Variants in DNAH11 observed in about 807,000 individuals in gnomAD.
DNAH11 encodes axonemal beta dynein heavy chain 11.
Under a neutral mutation model 526.0 loss-of-function variants are expected in DNAH11, and 442 were observed. The ratio of observed to expected loss-of-function variants is 0.84; its 90% CI spans 0.78 to 0.91. The LOEUF (loss-of-function observed/expected upper bound fraction) is 0.91. Ranked by LOEUF, DNAH11 falls within the 40% of genes least tolerant of loss-of-function variation. The probability of loss-of-function intolerance (pLI) is 0.00; values close to 1 mark genes in which losing one functional copy is unlikely to be tolerated. For missense variants in DNAH11, 6,989 were observed against 5,448.7 expected (o/e 1.28, Z -8.90); for synonymous variants, 2,461 against 1,935.9 (o/e 1.27, Z -7.12).
chr7:21,551,375 T>C (rs1406135014), intron 2 of DNAH11, among the ~76,000 whole-genome samples: 3 of 152,246 alleles, frequency 2.0e-5, no homozygotes. Context: ...TGGTTACCTC[T>C]GCTGGAAGCA....
intron 2 of DNAH11, among the ~76,000 whole-genome samples, chr7:21,556,163 T>C (rs562291100): frequency 7.2e-5 from 11 of 152,210 alleles, no homozygotes; most frequent in Non-Finnish European, 1.6e-4. Context: ...CTTTCTCTGC[T>C]TAAGTTTCGA....
At position 21,545,202 on chromosome 7, in the gene DNAH11, A is replaced by G. The variant is rs7781669; in HGVS notation, c.495+53A>G. 0.48 allele frequency: 718,741 copies of G among 1,505,308 alleles called. 173,751 individuals are homozygous for G. Among genetic ancestry groups the G allele is most frequent in the Middle Eastern group, 0.54 (3,078 of 5,722 alleles). 93.2% of individuals were successfully genotyped at this position (1,505,308 alleles called of 1,614,324 possible). On this transcript the variant is annotated intron_variant, in intron 2 of 81. Coordinates refer to ENST00000409508, the MANE Select transcript of DNAH11 (RefSeq NM_001277115.2). ...CTTTCACTTATCTCCATGACATTTG[A>G]AATTATTTAGGACAACTCCGATAAT...
At chr7:21,726,087 A>G (rs1785091724) in intron 45 of DNAH11, 103 bp downstream of exon 45, 18 of 1,173,798 alleles carry the variant, frequency 1.5e-5, no homozygotes, top group Non-Finnish European at 1.9e-5. Flanking sequence ...TAATTGGCTC[A>G]TGATTCCACA....
chr7:21,784,683 T>G (rs1788097691), intron 58 of DNAH11, 143 bp downstream of exon 58: 3 of 589,960 alleles, frequency 5.1e-6, no homozygotes, highest in Non-Finnish European at 8.5e-6. Flanking sequence ...ATATTAAAGT[T>G]GAAACAAACC....
chr7:21,590,834 C>T (rs1784646599), intron 12 of DNAH11, 84 bp from the exon 13 acceptor site: 1 of 819,278 alleles, frequency 1.2e-6, no homozygotes, highest in African/African-American at 1.8e-5. Flanking sequence ...TGGATAACAT[C>T]TTAAGTATTT....
chr7:21,719,358 C>G lies in DNAH11; in HGVS notation c.7135-1367C>G, dbSNP rs145383319. 1.6e-4 allele frequency among the ~76,000 whole-genome samples: 25 copies of G among 152,300 alleles called. No individual in the cohort carries two copies. In the East Asian group the frequency reaches 4.6e-3, roughly 28 times the overall value. Reference sequence around the variant, plus strand: ...CTTTAAGTTTGGTAAGGTTTATTAACTCTTTCAGATTACTCATTAAAGTAC... The same window carrying G: ...CTTTAAGTTTGGTAAGGTTTATTAAGTCTTTCAGATTACTCATTAAAGTAC... On this transcript the variant is annotated intron_variant, in intron 43 of 81. Transcript: ENST00000409508.
At chr7:21,735,286 A>G (rs1327532618) in intron 45 of DNAH11, among the ~76,000 whole-genome samples, 1 of 152,204 alleles carries the variant, frequency 6.6e-6, no homozygotes, top group Non-Finnish European at 1.5e-5. Context: ...TTATATGGTT[A>G]CTATATTCCC....
intron 61 of DNAH11, among the ~76,000 whole-genome samples, chr7:21,794,878 A>G (rs771585230): frequency 1.3e-5 from 2 of 152,210 alleles, no homozygotes; most frequent in Admixed American, 6.5e-5. Context: ...TCTCCAGTGT[A>G]GGAACTACGA....
intron 61 of DNAH11, among the ~76,000 whole-genome samples, chr7:21,796,810 G>A (rs998998060): frequency 2.2e-4 from 34 of 152,180 alleles, no homozygotes; most frequent in African/African-American, 7.2e-4. Context: ...GAGACTTAAC[G>A]AACTGATCAA....
intron 36 of DNAH11, 111 bp downstream of exon 36, chr7:21,698,324 T>A: frequency 6.9e-7 from 1 of 1,455,660 alleles, no homozygotes; most frequent in South Asian, 1.3e-5. Context: ...TTAAAATTTT[T>A]TTGTACTTAA....
intron 31 of DNAH11, among the ~76,000 whole-genome samples, chr7:21,682,709 A>T (rs1443823357): frequency 6.6e-6 from 1 of 152,136 alleles, no homozygotes; most frequent in Non-Finnish European, 1.5e-5. Context: ...TCCTTTCACA[A>T]TTCGAATGCC....
intron 45 of DNAH11, among the ~76,000 whole-genome samples, chr7:21,727,121 G>C (rs575159672): frequency 2.0e-5 from 3 of 151,110 alleles, no homozygotes; most frequent in Non-Finnish European, 4.4e-5. Flanking sequence ...TTTTAGTAGA[G>C]ACGGGGTTTC....
chr7:21,788,361 C>T (rs961149306), intron 60 of DNAH11, among the ~76,000 whole-genome samples: 15 of 152,216 alleles, frequency 9.9e-5, no homozygotes, highest in Non-Finnish European at 1.9e-4. Context: ...ATAGGACTCT[C>T]TTGATCTCTC....
Position 21,861,913 on chromosome 7 carries a change from G to C in DNAH11, c.11263G>C (p.Gly3755Arg). The change falls in exon 69 of 82, where the codon GGA becomes CGA. Residue 3755 changes from glycine (G) to arginine (R), a missense_variant. Coordinates refer to ENST00000409508, the MANE Select transcript of DNAH11 (RefSeq NM_001277115.2). ...GGCTGACAAGGTGGAAGACATGCAG[G>C]GACGCATCTCTATCCTGATGGAGAG... ...EQADKVEDMQGRISILMESIT... is the reference protein window; with the variant it reads ...EQADKVEDMQRRISILMESIT... The C allele has an allele frequency of 3.7e-6, 6 of 1,613,342 alleles. No homozygotes were observed. Among genetic ancestry groups the C allele is most frequent in the Non-Finnish European group, 5.1e-6 (6 of 1,179,620 alleles).
chr7:21,839,773 C>G (rs1433865241), intron 65 of DNAH11, among the ~76,000 whole-genome samples: 1 of 152,090 alleles, frequency 6.6e-6, no homozygotes, highest in Admixed American at 6.5e-5. Context: ...AGTGGCTTAT[C>G]TGGCAGAATT....
At chr7:21,756,544 G>C (rs930635106) in intron 54 of DNAH11, among the ~76,000 whole-genome samples, 1 of 151,298 alleles carries the variant, frequency 6.6e-6, no homozygotes, top group Non-Finnish European at 1.5e-5. Context: ...AAATCAGTTT[G>C]ATGACTTTTT....
At chr7:21,869,947 C>T (rs1396450062) in intron 73 of DNAH11, among the ~76,000 whole-genome samples, 1 of 152,182 alleles carries the variant, frequency 6.6e-6, no homozygotes, top group African/African-American at 2.4e-5. Context: ...TGACTCCATC[C>T]ACAGCAAGCT....
At chr7:21,624,896 T>C (rs1477328505) in intron 25 of DNAH11, among the ~76,000 whole-genome samples, 1 of 152,150 alleles carries the variant, frequency 6.6e-6, no homozygotes, top group African/African-American at 2.4e-5. Flanking sequence ...CACTTGATCA[T>C]GGTGAATGAT....
chr7:21,822,112 T>C (rs1369524719), intron 65 of DNAH11, among the ~76,000 whole-genome samples: 2 of 152,192 alleles, frequency 1.3e-5, no homozygotes, highest in Non-Finnish European at 2.9e-5. Context: ...TGTATTCATC[T>C]GTTTTGCATT....
Sources: gnomAD v4.1 joint callset for allele counts (sites outside exome capture counted in the v4.1 genomes callset) on GRCh38, gnomAD v4.1.1 for gene constraint, MANE v1.5 for transcripts, NCBI Gene and HGNC (gene_info 2026-07-23, HGNC 2026-07-21) for gene names.